Variants in LPAR6 observed in about 807,000 individuals in gnomAD.
The protein encoded by LPAR6 is lysophosphatidic acid receptor 6.
A neutral mutation model predicts 22.0 loss-of-function variants in LPAR6; 17 were observed. The ratio of observed to expected loss-of-function variants is 0.77; its 90% CI spans 0.53 to 1.16. LPAR6 has a LOEUF of 1.16. Among genes scored for constraint, LPAR6 ranks in the 50% most tolerant of loss-of-function variants. LPAR6 has a pLI of 0.00. For missense variants in LPAR6, 384 were observed against 406.9 expected (o/e 0.94, Z 0.48); for synonymous variants, 136 against 139.8 (o/e 0.97, Z 0.19).
downstream of LPAR6, among the ~76,000 whole-genome samples, chr13:48,410,787 A>G (rs1325775184): frequency 6.6e-6 from 1 of 152,178 alleles, no homozygotes; most frequent in Non-Finnish European, 1.5e-5. Context: ...AATTGCCTAC[A>G]CAGACCAAAC....
At chr13:48,428,987 A>G (rs1949103767), upstream of LPAR6, among the ~76,000 whole-genome samples, 1 of 152,212 alleles carries the variant, frequency 6.6e-6, no homozygotes, top group Admixed American at 6.5e-5. Flanking sequence ...TGGAAGCTGC[A>G]TGCTTGTGGC....
At chr13:48,424,610 T>TC (rs397763550) in intron 1 of LPAR6, among the ~76,000 whole-genome samples, 2 of 151,976 alleles carry the variant, frequency 1.3e-5, no homozygotes, top group Non-Finnish European at 2.9e-5. Flanking sequence ...TATCTTTTTT[T>TC]CCGAACTCTC....
At chr13:48,402,983 T>TTTA (rs1189600908) in intron 1 of LPAR6, among the ~76,000 whole-genome samples, 4 of 152,148 alleles carry the variant, frequency 2.6e-5, no homozygotes, top group Non-Finnish European at 5.9e-5. Context: ...ATAAAACCTT[T>TTTA]TTACCTTTTT....
chr13:48,403,520 G>A (rs1948712377), intron 1 of LPAR6, among the ~76,000 whole-genome samples: 1 of 152,140 alleles, frequency 6.6e-6, no homozygotes, highest in Admixed American at 6.5e-5. Flanking sequence ...CAGGAAAGGG[G>A]ACTGGTGGAA....
Position 48,440,146 on chromosome 13 carries a change from C to CA in LPAR6, c.-1474+4406dup, listed in dbSNP as rs544045139. 4.0e-3 allele frequency among the ~76,000 whole-genome samples: 612 copies of CA among 152,234 alleles called. 1 individual carries two copies. Among genetic ancestry groups the CA allele is most frequent in the Non-Finnish European group, 7.5e-3 (511 of 68,000 alleles). ...TCTTGGGAGTAAAAGGGAAACCTGG[C>CA]ATGCATGTTTAATAAAGCTTCCTTG... On this transcript the variant is annotated intron_variant, in intron 1 of 6. Coordinates refer to the LPAR6 transcript ENST00000378434.
At position 48,400,554 on chromosome 13, in the gene LPAR6, C is replaced by T. The variant is rs367561910; in HGVS notation, n.115-10742G>A. On this transcript the variant is annotated intron_variant and non_coding_transcript_variant, in intron 1 of 1. Transcript: ENST00000462781. Reference sequence around the variant, plus strand: ...TGTTACTATGCTATGGCAAAAAGGGCCTAGACTTTGAATTAGCGGATCTTA... The same window carrying T: ...TGTTACTATGCTATGGCAAAAAGGGTCTAGACTTTGAATTAGCGGATCTTA... 1.1e-4 allele frequency among the ~76,000 whole-genome samples: 16 copies of T among 152,148 alleles called. No individual in the cohort carries two copies. In the East Asian group the frequency reaches 1.4e-3, roughly 13 times the overall value.
chr13:48,410,500 T>C (rs1948784131), downstream of LPAR6, among the ~76,000 whole-genome samples: 1 of 152,204 alleles, frequency 6.6e-6, no homozygotes, highest in Non-Finnish European at 1.5e-5. Flanking sequence ...TATTACTTTC[T>C]AAATGCCAAG....
rs188501953 is a variant in LPAR6 at position 48,432,003 on chromosome 13, T to C, written c.-1473-7884A>G. 2.6e-5 allele frequency among the ~76,000 whole-genome samples: 4 copies of C among 152,304 alleles called. No homozygotes were observed. In the East Asian group the frequency reaches 5.8e-4, roughly 22 times the overall value. On this transcript the variant is annotated intron_variant, in intron 1 of 6. Transcript: ENST00000378434. ...ACAAAATCCCTGAGCTTATATTTTA[T>C]TTGGAGAAGACAATCAATAAATAAA...
At chr13:48,395,564 A>G (rs1271211235) in intron 1 of LPAR6, among the ~76,000 whole-genome samples, 1 of 152,058 alleles carries the variant, frequency 6.6e-6, no homozygotes, top group Non-Finnish European at 1.5e-5. Flanking sequence ...AAAACACAAC[A>G]CGAGGACTTT....
chr13:48,424,682 A>G (rs1174912090), intron 1 of LPAR6, among the ~76,000 whole-genome samples: 1 of 152,052 alleles, frequency 6.6e-6, no homozygotes, highest in Non-Finnish European at 1.5e-5. Context: ...GAGTCTCCTT[A>G]ATCTCATCAG....
intron 1 of LPAR6, among the ~76,000 whole-genome samples, chr13:48,438,936 TTCTCTTAGCA>T (rs11279873): frequency 0.05 from 7,607 of 152,232 alleles, 627 homozygotes; most frequent in African/African-American, 0.17. Context: ...AATGTGCTAT[TTCTCTTAGCA>T]TCTCTAGATG....
intron 1 of LPAR6, among the ~76,000 whole-genome samples, chr13:48,392,808 G>A (rs1047980103): frequency 6.6e-6 from 1 of 151,098 alleles, no homozygotes; most frequent in Non-Finnish European, 1.5e-5. Context: ...TTGACTGCTT[G>A]GTGATTTTTT....
upstream of LPAR6, among the ~76,000 whole-genome samples, chr13:48,428,812 A>G (rs1463800190): frequency 6.6e-6 from 1 of 152,222 alleles, no homozygotes; most frequent in Non-Finnish European, 1.5e-5. Flanking sequence ...CTTTCAAATA[A>G]TTAGAACAAG....
At chr13:48,410,142 C>T (rs1948780334), downstream of LPAR6, among the ~76,000 whole-genome samples, 1 of 152,010 alleles carries the variant, frequency 6.6e-6, no homozygotes, top group Non-Finnish European at 1.5e-5. Flanking sequence ...TTAAAATGGC[C>T]AGAAGAGTGA....
chr13:48,418,503 A>T (rs1948951961), intron 2 of LPAR6, among the ~76,000 whole-genome samples: 1 of 152,220 alleles, frequency 6.6e-6, no homozygotes, highest in Non-Finnish European at 1.5e-5. Context: ...ACTGGCTAGC[A>T]TCATAATGAC....
intron 1 of LPAR6, among the ~76,000 whole-genome samples, chr13:48,433,376 A>C (rs1382655585): frequency 6.6e-6 from 1 of 152,146 alleles, no homozygotes; most frequent in Non-Finnish European, 1.5e-5. Context: ...TAGAAGCATT[A>C]AAATTCTTAT....
intron 1 of LPAR6, among the ~76,000 whole-genome samples, chr13:48,400,945 C>T (rs1948686542): frequency 6.6e-6 from 1 of 151,966 alleles, no homozygotes; most frequent in South Asian, 2.1e-4. Context: ...CTTGAGGCAC[C>T]CCTCCTCCCC....
chr13:48,417,267 G>A (rs1948927501), upstream of LPAR6: 1 of 153,118 alleles, frequency 6.5e-6, no homozygotes, highest in Non-Finnish European at 1.5e-5. Context: ...ACCTCTGCTG[G>A]TGATATCCAG....
chr13:48,440,690 T>C (rs546461243), intron 1 of LPAR6, among the ~76,000 whole-genome samples: 1 of 152,196 alleles, frequency 6.6e-6, no homozygotes, highest in South Asian at 2.1e-4. Context: ...AATTTAAAAT[T>C]GTAGTTGCAC....
Sources: gnomAD v4.1 joint callset for allele counts (sites outside exome capture counted in the v4.1 genomes callset) on GRCh38, gnomAD v4.1.1 for gene constraint, MANE v1.5 for transcripts, NCBI Gene and HGNC (gene_info 2026-07-23, HGNC 2026-07-21) for gene names.